The following MAF variants were observed in gnomAD, a reference collection of about 807,000 sequenced individuals.
MAF encodes the protein transcription factor Maf.
MAF carries 10 observed loss-of-function variants against 22.0 expected under a neutral mutation model. That is an observed-to-expected ratio of 0.45 (90% confidence interval 0.28 to 0.77). MAF has a LOEUF of 0.77. MAF is among the 30% of genes least tolerant of loss of function. MAF has a pLI of 0.12. For missense variants in MAF, 544 were observed against 548.4 expected (o/e 0.99, Z 0.08); for synonymous variants, 337 against 255.8 (o/e 1.32, Z -3.03).
the MAF span, among the ~76,000 whole-genome samples, chr16:79,537,018 G>T: frequency 0.21 from 31,591 of 152,086 alleles, 3,731 homozygotes; most frequent in Non-Finnish European, 0.28. Flanking sequence ...CATGCATCAG[G>T]CATCTGTACA....
chr16:79,474,996 A>G, the MAF span, among the ~76,000 whole-genome samples: 33 of 152,242 alleles, frequency 2.2e-4, no homozygotes, highest in Admixed American at 1.6e-3. Flanking sequence ...CTGTGCTGGT[A>G]GCAGAAGATG....
chr16:79,581,227 G>C (rs1394988104), downstream of MAF, among the ~76,000 whole-genome samples: 1 of 152,178 alleles, frequency 6.6e-6, no homozygotes, highest in East Asian at 1.9e-4. Flanking sequence ...TATTCAGAAT[G>C]TTCAGCCCAG....
At chr16:79,249,329 G>C in the MAF span, among the ~76,000 whole-genome samples, 1 of 150,490 alleles carries the variant, frequency 6.6e-6, no homozygotes, top group Non-Finnish European at 1.5e-5. Flanking sequence ...TGAGGCAAGA[G>C]AACCACCTGA....
chr16:79,572,681 C>T, the MAF span, among the ~76,000 whole-genome samples: 1 of 152,186 alleles, frequency 6.6e-6, no homozygotes, highest in African/African-American at 2.4e-5. Flanking sequence ...TTTCAGCCTC[C>T]TGTTTTCACG....
chr16:79,443,329 A>G, the MAF span, among the ~76,000 whole-genome samples: 2 of 152,164 alleles, frequency 1.3e-5, no homozygotes, highest in African/African-American at 4.8e-5. Flanking sequence ...CCCCTGCCTA[A>G]TACAAGTATT....
At chr16:79,569,473 G>C in the MAF span, among the ~76,000 whole-genome samples, 1 of 152,178 alleles carries the variant, frequency 6.6e-6, no homozygotes, top group Admixed American at 6.5e-5. Context: ...AGTTACTGAA[G>C]GCAGAGGTTC....
chr16:79,543,930 C>T, the MAF span, among the ~76,000 whole-genome samples: 1 of 152,092 alleles, frequency 6.6e-6, no homozygotes, highest in East Asian at 1.9e-4. Flanking sequence ...TCGTGATCCA[C>T]CCGCCTCGGC....
the MAF span, among the ~76,000 whole-genome samples, chr16:79,360,945 G>C: frequency 6.6e-6 from 1 of 152,100 alleles, no homozygotes; most frequent in African/African-American, 2.4e-5. Flanking sequence ...CTGGAAGTCG[G>C]CCATGGTAGG....
chr16:79,342,050 A>G, the MAF span, among the ~76,000 whole-genome samples: 1 of 152,224 alleles, frequency 6.6e-6, no homozygotes, highest in Non-Finnish European at 1.5e-5. Flanking sequence ...GATAACATCC[A>G]CTTATTTCTT....
the MAF span, among the ~76,000 whole-genome samples, chr16:79,386,338 G>C: frequency 7.2e-5 from 11 of 152,334 alleles, no homozygotes. Flanking sequence ...GACAGTGACA[G>C]ATCATCAGGC....
chr16:79,356,340 A>C, the MAF span, among the ~76,000 whole-genome samples: 8 of 152,168 alleles, frequency 5.3e-5, no homozygotes, highest in South Asian at 1.7e-3. Flanking sequence ...CACAGGCCAC[A>C]TCATCATCTC....
chr16:79,506,985 C>G, the MAF span, among the ~76,000 whole-genome samples: 4 of 152,168 alleles, frequency 2.6e-5, no homozygotes, highest in Non-Finnish European at 5.9e-5. Context: ...CTTCTGTAAA[C>G]CTAAGACTGC....
chr16:79,213,389 C>G, the MAF span, among the ~76,000 whole-genome samples: 1 of 152,238 alleles, frequency 6.6e-6, no homozygotes, highest in Non-Finnish European at 1.5e-5. Flanking sequence ...CTTATTATCA[C>G]AGGACCTTTG....
At chr16:79,244,555 A>T in the MAF span, among the ~76,000 whole-genome samples, 13,043 of 152,112 alleles carry the variant, frequency 0.086, 637 homozygotes, top group Non-Finnish European at 0.096. Context: ...CCACTGCTCA[A>T]GGAAATAAGA....
the MAF span, among the ~76,000 whole-genome samples, chr16:79,305,051 G>A: frequency 1.3e-5 from 2 of 152,190 alleles, no homozygotes; most frequent in Non-Finnish European, 1.5e-5. Context: ...TACAAAGAGC[G>A]GCCTACAGAA....
chr16:79,569,539 G>A, the MAF span, among the ~76,000 whole-genome samples: 24 of 152,172 alleles, frequency 1.6e-4, no homozygotes, highest in Non-Finnish European at 3.1e-4. Context: ...GGTTTGAAAC[G>A]TAATTCTCAG....
the MAF span, among the ~76,000 whole-genome samples, chr16:79,249,046 A>G: frequency 1.3e-4 from 20 of 152,318 alleles, no homozygotes; most frequent in African/African-American, 3.8e-4. Flanking sequence ...CCCCCAGTGC[A>G]ATAGTATTGA....
At chr16:79,240,637 C>T in the MAF span, among the ~76,000 whole-genome samples, 181 of 151,836 alleles carry the variant, frequency 1.2e-3, 1 homozygote, top group African/African-American at 4.1e-3. Flanking sequence ...CTTAAACGAC[C>T]TGGCCTGATG....
the MAF span, among the ~76,000 whole-genome samples, chr16:79,318,064 G>A: frequency 0.032 from 4,818 of 152,248 alleles, 274 homozygotes; most frequent in African/African-American, 0.11. Flanking sequence ...ATGCTCTGTC[G>A]TTCATTCATT....
Sources: gnomAD v4.1 joint callset for allele counts (sites outside exome capture counted in the v4.1 genomes callset) on GRCh38, gnomAD v4.1.1 for gene constraint, MANE v1.5 for transcripts, NCBI Gene and HGNC (gene_info 2026-07-23, HGNC 2026-07-21) for gene names.